The following NPSR1 variants were observed in gnomAD, a reference collection of about 807,000 sequenced individuals.
NPSR1 encodes neuropeptide S receptor.
Under a neutral mutation model 46.9 loss-of-function variants are expected in NPSR1, and 48 were observed. The ratio of observed to expected loss-of-function variants is 1.02; its 90% CI spans 0.81 to 1.30. The LOEUF (loss-of-function observed/expected upper bound fraction) is 1.30. Among genes scored for constraint, NPSR1 ranks in the 50% most tolerant of loss-of-function variants. NPSR1 has a pLI of 0.00. For missense variants in NPSR1, 450 were observed against 449.5 expected (o/e 1.00, Z -0.01); for synonymous variants, 176 against 168.1 (o/e 1.05, Z -0.36).
In NPSR1 at chr7:34,750,449, T is replaced by C. The variant is rs532929738; in HGVS notation, c.281-28013T>C. ...ACGACGGGGCTCTGGTGTGACGAAG[T>C]CATTGTCTGAGGCTGCAGAAGCCAG... On this transcript the variant is annotated intron_variant, in intron 2 of 8. Transcript: ENST00000360581. 27 of 741,404 alleles carry C rather than the reference T, an allele frequency of 3.6e-5. No individual in the cohort carries two copies. The African/African-American group carries it at 4.5e-4, about 12-fold the overall frequency. The allele number at this position is 741,404 out of a possible 1,614,324, so 45.9% of individuals were successfully genotyped here.
intron 3 of NPSR1, among the ~76,000 whole-genome samples, chr7:34,803,089 A>G (rs1309674435): frequency 1.3e-5 from 2 of 150,446 alleles, no homozygotes; most frequent in Admixed American, 6.6e-5. Flanking sequence ...GAGGATGTGG[A>G]GAAATAGGAA....
At chr7:34,820,771 T>C (rs910098609) in intron 4 of NPSR1, among the ~76,000 whole-genome samples, 2 of 152,168 alleles carry the variant, frequency 1.3e-5, no homozygotes, top group African/African-American at 4.8e-5. Flanking sequence ...GATTTAAATT[T>C]TTTCTGGTTG....
chr7:34,824,424 A>G (rs1789728030), intron 4 of NPSR1, among the ~76,000 whole-genome samples: 1 of 152,150 alleles, frequency 6.6e-6, no homozygotes, highest in Admixed American at 6.5e-5. Flanking sequence ...TCGATCCTGG[A>G]TCCTTCAGCC....
chr7:34,714,695 A>T (rs544530921), intron 2 of NPSR1, among the ~76,000 whole-genome samples: 1 of 152,072 alleles, frequency 6.6e-6, no homozygotes, highest in Non-Finnish European at 1.5e-5. Context: ...TCTACAGGTT[A>T]CTCATCCTAG....
intron 2 of NPSR1, among the ~76,000 whole-genome samples, chr7:34,764,609 C>T (rs941002577): frequency 6.6e-6 from 1 of 152,096 alleles, no homozygotes; most frequent in Non-Finnish European, 1.5e-5. Context: ...AGACACTTCC[C>T]CAAACAAAAA....
intron 2 of NPSR1, among the ~76,000 whole-genome samples, chr7:34,686,354 A>ACATT (rs1257105983): frequency 3.9e-5 from 6 of 152,198 alleles, no homozygotes; most frequent in Non-Finnish European, 8.8e-5. Flanking sequence ...CTAAGACTGA[A>ACATT]GCTCAATGGT....
intron 3 of NPSR1, among the ~76,000 whole-genome samples, chr7:34,802,273 A>G (rs1788459294): frequency 6.6e-6 from 1 of 150,408 alleles, no homozygotes; most frequent in South Asian, 2.1e-4. Flanking sequence ...TCCTAAGCCA[A>G]AAGAACAAAG....
chr7:34,750,775 G>T (rs1228954576), intron 2 of NPSR1: 11 of 694,428 alleles, frequency 1.6e-5, no homozygotes, highest in Non-Finnish European at 1.9e-5. Flanking sequence ...ACACACAGTA[G>T]GCCAGGTCCT....
intron 2 of NPSR1, among the ~76,000 whole-genome samples, chr7:34,730,531 A>C (rs1322255229): frequency 1.3e-5 from 2 of 152,220 alleles, no homozygotes; most frequent in Non-Finnish European, 2.9e-5. Flanking sequence ...TCAATGGTTA[A>C]ATATCTGTTT....
At chr7:34,827,377 C>G in intron 4 of NPSR1, 24 bp from the exon 5 acceptor site, 1 of 1,609,860 alleles carries the variant, frequency 6.2e-7, no homozygotes, top group Non-Finnish European at 8.5e-7. Flanking sequence ...CATACCCAGA[C>G]ATTCCTCTCT....
At chr7:34,678,904 G>A (rs1029074955) in intron 1 of NPSR1, among the ~76,000 whole-genome samples, 1 of 151,834 alleles carries the variant, frequency 6.6e-6, no homozygotes, top group African/African-American at 2.4e-5. Flanking sequence ...ATGATCTCCC[G>A]AAAAGAGAAG....
At chr7:34,718,535 C>A (rs979639711) in intron 2 of NPSR1, among the ~76,000 whole-genome samples, 1 of 152,236 alleles carries the variant, frequency 6.6e-6, no homozygotes, top group East Asian at 1.9e-4. Context: ...CTGATATGAT[C>A]CATTCCTAGG....
intron 3 of NPSR1, among the ~76,000 whole-genome samples, chr7:34,791,242 TGTTATATGTTATATATTATATGTTATAA>T (rs1370376462): frequency 7.5e-6 from 1 of 132,980 alleles, no homozygotes; most frequent in African/African-American, 3.0e-5. Flanking sequence ...ATATTATATA[TGTTATATGTTATATATTATATGTTATAA>T]GTTATATATA....
At chr7:34,852,471 G>C (rs991622948), downstream of NPSR1, among the ~76,000 whole-genome samples, 1 of 152,126 alleles carries the variant, frequency 6.6e-6, no homozygotes, top group Non-Finnish European at 1.5e-5. Flanking sequence ...TGGAGCAGAG[G>C]ATCTTGGTGG....
At chr7:34,830,803 G>A (rs976510187) in intron 5 of NPSR1, among the ~76,000 whole-genome samples, 6 of 152,150 alleles carry the variant, frequency 3.9e-5, no homozygotes, top group African/African-American at 1.2e-4. Flanking sequence ...GCTAGGACAA[G>A]ATCTACTTGT....
At chr7:34,764,751 T>C (rs1239599995) in intron 2 of NPSR1, among the ~76,000 whole-genome samples, 1 of 152,186 alleles carries the variant, frequency 6.6e-6, no homozygotes, top group African/African-American at 2.4e-5. Flanking sequence ...GGAAGTCTCC[T>C]ACTTCTAGGT....
chr7:34,728,707 G>A (rs1784279438), intron 2 of NPSR1: 1 of 152,610 alleles, frequency 6.6e-6, no homozygotes, highest in Admixed American at 6.5e-5. Context: ...CCCCTCTGAT[G>A]GGCTTCAGAC....
At chr7:34,678,218 C>CTTTTTT (rs869140156) in intron 1 of NPSR1, among the ~76,000 whole-genome samples, 5 of 100,694 alleles carry the variant, frequency 5.0e-5, no homozygotes, top group African/African-American at 7.9e-5. Context: ...CTTTGCAATT[C>CTTTTTT]TTTTTTTTTT....
intron 3 of NPSR1, among the ~76,000 whole-genome samples, chr7:34,803,862 A>G (rs1052637435): frequency 1.3e-5 from 2 of 152,060 alleles, no homozygotes; most frequent in Non-Finnish European, 1.5e-5. Context: ...AATAAATACC[A>G]TAAACAACTC....
Sources: allele counts gnomAD v4.1 joint callset (sites outside exome capture counted in the v4.1 genomes callset), GRCh38; gene constraint gnomAD v4.1.1; transcripts MANE v1.5; gene names NCBI Gene and HGNC (gene_info 2026-07-23, HGNC 2026-07-21).